The following RSPO1 variants were observed in gnomAD, a reference collection of about 807,000 sequenced individuals.
The protein encoded by RSPO1 is R-spondin-1.
Under a neutral mutation model 26.0 loss-of-function variants are expected in RSPO1, and 18 were observed. The observed-to-expected ratio is 0.69, with a 90% CI of 0.48 to 1.03. The LOEUF is 1.03. Ranked by LOEUF, RSPO1 falls within the 50% of genes least tolerant of loss-of-function variation. RSPO1 has a pLI of 0.00. For synonymous variants in RSPO1, 133 were observed against 137.4 expected, an observed-to-expected ratio of 0.97 and a Z score of 0.22; for missense variants, 309 against 352.3, an observed-to-expected ratio of 0.88 and a Z score of 0.98.
chr1:37,620,429 G>A (rs1047439372), intron 3 of RSPO1, among the ~76,000 whole-genome samples: 1 of 152,036 alleles, frequency 6.6e-6, no homozygotes. Context: ...TGAGGAGTTC[G>A]AGGCCAGCCT....
At chr1:37,618,742 G>T (rs1314569054) in intron 3 of RSPO1, among the ~76,000 whole-genome samples, 2 of 152,198 alleles carry the variant, frequency 1.3e-5, no homozygotes, top group Non-Finnish European at 2.9e-5. Flanking sequence ...GGCCTGGGGT[G>T]TGGGTGAGCT....
chr1:37,620,947 G>A (rs1461353080), intron 3 of RSPO1, among the ~76,000 whole-genome samples: 2 of 152,104 alleles, frequency 1.3e-5, no homozygotes, highest in Non-Finnish European at 2.9e-5. Context: ...CAGTGATCCC[G>A]GCATCCCATT....
At chr1:37,621,329 T>C (rs1427022816) in intron 3 of RSPO1, among the ~76,000 whole-genome samples, 2 of 152,150 alleles carry the variant, frequency 1.3e-5, no homozygotes, top group African/African-American at 4.8e-5. Context: ...CAGTCAGGAT[T>C]CTATTTTAGA....
chr1:37,623,117 G>T (rs542185306), intron 3 of RSPO1, among the ~76,000 whole-genome samples: 13 of 151,818 alleles, frequency 8.6e-5, no homozygotes, highest in Admixed American at 2.6e-4. Context: ...TGGGGGCTCA[G>T]AAGAGGAATG....
chr1:37,612,857 C>G lies in RSPO1; in HGVS notation c.690G>C (p.Lys230Asn). The change falls in exon 7 of 7, where the codon AAG (lysine) becomes AAC (asparagine). Residue 230 changes from lysine (K) to asparagine (N), a missense_variant. Lys to Asn is a moderately conservative substitution (Grantham distance 94, BLOSUM62 0). Coordinates refer to ENST00000356545, the MANE Select transcript of RSPO1 (RefSeq NM_001242908.2). The part of the protein sequence containing the change: ...RENANRNLAR[K>N]ESKEAGAGSR... ...AGCCAGCACCCGCCTCCTTGCTCTC[C>G]TTCCTGGCCAGGTTCCTGTTGGCAT... The G allele has an allele frequency of 6.2e-7, 1 of 1,614,082 alleles. No homozygotes were observed. The highest frequency in any genetic ancestry group is 8.5e-7 in the Non-Finnish European group (1 of 1,180,042).
At chr1:37,614,046 T>C in intron 5 of RSPO1, 138 bp downstream of exon 5, 2 of 1,330,996 alleles carry the variant, frequency 1.5e-6, no homozygotes, top group Non-Finnish European at 2.1e-6. Context: ...AGAAAAGTCC[T>C]TGGAGACTCA....
At position 37,622,876 on chromosome 1, in the gene RSPO1, G is replaced by A. The variant is rs1644223224; in HGVS notation, c.95-6201C>T. Among the ~76,000 whole-genome samples the A allele has an allele frequency of 2.0e-5, 3 of 152,114 alleles. No individual in the cohort carries two copies. In the South Asian group the frequency reaches 6.2e-4, roughly 32 times the overall value. On this transcript the variant is annotated intron_variant, in intron 3 of 6. Coordinates refer to ENST00000356545, the MANE Select transcript of RSPO1 (RefSeq NM_001242908.2). ...GAGTGAGTGGAAGGGAAGGAGTGGAGATAAAGCCAGGAGGGTGAGAGAGAA... is the reference window on the plus strand; with the variant it reads ...GAGTGAGTGGAAGGGAAGGAGTGGAAATAAAGCCAGGAGGGTGAGAGAGAA...
rs773716637 is a variant in RSPO1, at chr1:37,613,677, C to A, written c.625+27G>T. On this transcript the variant is annotated intron_variant, in intron 6 of 6. Transcript: ENST00000356545. The surrounding 1 kb of genome is among the most constrained non-coding windows in gnomAD (Gnocchi z 4.5). ...TCATGGCTGGTGCCTGAGCCCTGACCCCAGGGAGGCAGAGGCTGCAGCTCA... is the reference window on the plus strand; with the variant it reads ...TCATGGCTGGTGCCTGAGCCCTGACACCAGGGAGGCAGAGGCTGCAGCTCA... The A allele has an allele frequency of 6.3e-7, 1 of 1,597,382 alleles. No individual in the cohort carries two copies. Among genetic ancestry groups the A allele is most frequent in the South Asian group, 1.1e-5 (1 of 90,378 alleles).
Position 37,611,410 on chromosome 1 carries a change from G to A in RSPO1, c.*1345C>T. On this transcript the variant is annotated 3_prime_UTR_variant, in exon 7 of 7. Coordinates refer to ENST00000356545, the MANE Select transcript of RSPO1 (RefSeq NM_001242908.2). ...TTCACTTTCATAGCTAAGCATAGAT[G>A]CCAGTGGTCACCTGCCCTTGGCACC... The A allele has an allele frequency of 6.6e-6, 1 of 152,120 alleles. No homozygotes were observed. The allele number at this position is 152,120 out of a possible 1,614,324, so 9.4% of individuals were successfully genotyped here. A position where few individuals can be genotyped will look rare whatever the true frequency, so the allele number is the denominator to read the frequency against.
intron 3 of RSPO1, among the ~76,000 whole-genome samples, chr1:37,618,995 G>A (rs948036675): frequency 1.3e-5 from 2 of 152,168 alleles, no homozygotes; most frequent in African/African-American, 4.8e-5. Flanking sequence ...GCTGAGATGG[G>A]TGGATCACCT....
chr1:37,621,317 C>A (rs1644199192), intron 3 of RSPO1, among the ~76,000 whole-genome samples: 2 of 152,162 alleles, frequency 1.3e-5, no homozygotes, highest in Admixed American at 1.3e-4. Flanking sequence ...CAACAGGAGA[C>A]ACAGTCAGGA....
chr1:37,625,958 G>A (rs1431284196), intron 3 of RSPO1, among the ~76,000 whole-genome samples: 2 of 152,106 alleles, frequency 1.3e-5, no homozygotes, highest in Admixed American at 1.3e-4. Context: ...GATTACAGGC[G>A]TGAGCCACCA....
At chr1:37,616,823 T>C in intron 3 of RSPO1, 148 bp from the exon 4 acceptor site, 1 of 766,100 alleles carries the variant, frequency 1.3e-6, no homozygotes, top group Non-Finnish European at 2.3e-6. Context: ...CTGGCAGCTC[T>C]CTGCAAGGCT....
In RSPO1 at chr1:37,612,500, GT is replaced by G; in HGVS notation, c.*254del. The G allele has an allele frequency of 3.3e-6, 1 of 306,436 alleles. No homozygotes were observed. Among genetic ancestry groups the G allele is most frequent in the Non-Finnish European group, 5.7e-6 (1 of 176,568 alleles). 19.0% of individuals were successfully genotyped at this position (306,436 alleles called of 1,614,324 possible). On this transcript the variant is annotated 3_prime_UTR_variant, in exon 7 of 7. Transcript: ENST00000356545. ...TGGAAGTGTCTTCTGGTGGCCTCAGGTGTGTGTGTGTGTGTGTGTGTATGTG... is the reference window on the plus strand; with the variant it reads ...TGGAAGTGTCTTCTGGTGGCCTCAGGGTGTGTGTGTGTGTGTGTGTATGTG...
At chr1:37,631,476 A>C (rs951835843) in intron 2 of RSPO1, among the ~76,000 whole-genome samples, 1 of 152,190 alleles carries the variant, frequency 6.6e-6, no homozygotes, top group African/African-American at 2.4e-5. Context: ...ATAGATGTCC[A>C]GTTGAGTTTA....
intron 1 of RSPO1, among the ~76,000 whole-genome samples, chr1:37,633,624 C>T (rs1644393431): frequency 1.3e-5 from 2 of 151,214 alleles, no homozygotes; most frequent in South Asian, 2.1e-4. Flanking sequence ...GAGTTTTGGC[C>T]GCCCAGCAGG....
chr1:37,627,348 A>T (rs1280998976), intron 3 of RSPO1, among the ~76,000 whole-genome samples: 1 of 151,386 alleles, frequency 6.6e-6, no homozygotes, highest in African/African-American at 2.4e-5. Flanking sequence ...TTTATATAAC[A>T]ATGATTTGCA....
chr1:37,634,428 G>T lies in RSPO1; in HGVS notation c.-356+138C>A, dbSNP rs1644407650. ...CCCTGTCCTGATCGCCGACCGGAGAGCGATCAGACTCCCCTTCCTTTCTGT... is the reference window on the plus strand; with the variant it reads ...CCCTGTCCTGATCGCCGACCGGAGATCGATCAGACTCCCCTTCCTTTCTGT... On this transcript the variant is annotated intron_variant, in intron 1 of 6. Transcript: ENST00000356545. This position sits in a 1 kb window ranked among gnomAD's most constrained non-coding sequence, Gnocchi z 4.7. 1 of 152,228 alleles carries T rather than the reference G, an allele frequency of 6.6e-6. No homozygotes were observed. Among genetic ancestry groups the T allele is most frequent in the Non-Finnish European group, 1.5e-5 (1 of 68,102 alleles). 9.4% of individuals were successfully genotyped at this position (152,228 alleles called of 1,614,324 possible).
Position 37,613,542 on chromosome 1 carries a change from A to G in RSPO1, c.625+162T>C, listed in dbSNP as rs1158349879. 1.3e-5 allele frequency among the ~76,000 whole-genome samples: 2 copies of G among 152,186 alleles called. No homozygotes were observed. Among genetic ancestry groups the G allele is most frequent in the South Asian group, 2.1e-4 (1 of 4,832 alleles). On this transcript the variant is annotated intron_variant, in intron 6 of 6. Transcript: ENST00000356545. This position sits in a 1 kb window ranked among gnomAD's most constrained non-coding sequence, Gnocchi z 4.5. Reference sequence around the variant, plus strand: ...CTGAGGCCCTGTTCTCTGCCAGGACATGGCATCTGGATTGGACAGCATGAG... The same window carrying G: ...CTGAGGCCCTGTTCTCTGCCAGGACGTGGCATCTGGATTGGACAGCATGAG...
Sources: gnomAD v4.1 joint callset for allele counts (sites outside exome capture counted in the v4.1 genomes callset) on GRCh38, gnomAD v4.1.1 for gene constraint, Gnocchi (gnomAD v3.1) non-coding constraint, MANE v1.5 for transcripts, NCBI Gene and HGNC (gene_info 2026-07-23, HGNC 2026-07-21) for gene names.